Variants in EXOSC10 observed in about 807,000 individuals in gnomAD.
The protein encoded by EXOSC10 is exosome component 10.
A neutral mutation model predicts 126.6 loss-of-function variants in EXOSC10; 94 were observed. The observed-to-expected ratio is 0.74, with a 90% CI of 0.63 to 0.88. The LOEUF is 0.88. EXOSC10 is among the 40% of genes least tolerant of loss of function. The pLI is 0.00. For synonymous variants in EXOSC10, 395 were observed against 400.8 expected (o/e 0.99, Z 0.17); for missense variants, 1,041 against 1,100.5 (o/e 0.95, Z 0.77).
chr1:11,095,121 A>T (rs1641001574), intron 3 of EXOSC10, among the ~76,000 whole-genome samples: 5 of 150,626 alleles, frequency 3.3e-5, no homozygotes. Flanking sequence ...CTGAGGTAGG[A>T]GAATCGCTTG....
At chr1:11,071,100 T>TC (rs772442008) in intron 20 of EXOSC10, 127 bp from the exon 21 acceptor site, 2 of 749,306 alleles carry the variant, frequency 2.7e-6, no homozygotes, top group Non-Finnish European at 4.4e-6. Flanking sequence ...CCCTCTCAGG[T>TC]CCCCGGTCCC....
chr1:11,082,107 C>T (rs1204004996), intron 10 of EXOSC10, among the ~76,000 whole-genome samples: 2 of 151,740 alleles, frequency 1.3e-5, no homozygotes, highest in Admixed American at 1.3e-4. Flanking sequence ...AAAAGAAATT[C>T]TGGCATTCTG....
chr1:11,095,980 C>A, intron 2 of EXOSC10, 99 bp from the exon 3 acceptor site: 1 of 1,296,164 alleles, frequency 7.7e-7, no homozygotes, highest in Admixed American at 2.2e-5. Flanking sequence ...AGACTGTTCC[C>A]AACACATCTT....
Position 11,098,204 on chromosome 1 carries a change from C to G in EXOSC10, c.112-48G>C, listed in dbSNP as rs1641224128. On this transcript the variant is annotated intron_variant, in intron 1 of 24. Transcript: ENST00000376936. ...GCATGTTTACACAGGGATCCCCATT[C>G]ATTTGGTATGTCATTTTTTTGATCT... 4.5e-6 allele frequency: 7 copies of G among 1,551,908 alleles called. No homozygotes were observed. In the East Asian group the frequency reaches 1.6e-4, roughly 36 times the overall value.
intron 20 of EXOSC10, chr1:11,071,749 T>A: frequency 4.6e-6 from 1 of 217,936 alleles, no homozygotes; most frequent in Non-Finnish European, 9.1e-6. Flanking sequence ...CTGCTCAGCA[T>A]GCCCAGTGAA....
At chr1:11,071,166 T>G (rs1445709307) in intron 20 of EXOSC10, 193 bp from the exon 21 acceptor site, 1 of 583,056 alleles carries the variant, frequency 1.7e-6, no homozygotes, top group Non-Finnish European at 3.0e-6. Flanking sequence ...CTGCCCACCT[T>G]CAGCTACACG....
At chr1:11,093,417 C>T (rs1284505353) in intron 3 of EXOSC10, among the ~76,000 whole-genome samples, 2 of 152,154 alleles carry the variant, frequency 1.3e-5, no homozygotes, top group Admixed American at 6.5e-5. Flanking sequence ...CCAGGTGACA[C>T]ATAGGATTAT....
intron 3 of EXOSC10, among the ~76,000 whole-genome samples, chr1:11,093,620 G>C (rs1486570937): frequency 3.3e-5 from 5 of 152,162 alleles, no homozygotes; most frequent in Admixed American, 2.6e-4. Context: ...CATAGAATTA[G>C]GCATAAATAG....
intron 22 of EXOSC10, 74 bp downstream of exon 22, chr1:11,069,485 T>G: frequency 1.3e-6 from 2 of 1,502,590 alleles, no homozygotes; most frequent in Non-Finnish European, 1.8e-6. Flanking sequence ...GGCCCCTATA[T>G]TGTGGTCTCT....
rs967160510 is a variant in EXOSC10, at chr1:11,090,660, T to C, written c.652A>G (p.Lys218Glu). The change falls in exon 6 of 25, where the codon AAG becomes GAG. Residue 218 changes from lysine (K) to glutamate (E), a missense_variant. Transcript: ENST00000376936. Reference sequence around the variant, plus strand: ...TCCTGTGGGCGTTCCCGCCTTTCCTTAGAGAGAGCTGGGGATCCCAGCAGT... The same window carrying C: ...TCCTGTGGGCGTTCCCGCCTTTCCTCAGAGAGAGCTGGGGATCCCAGCAGT... ...AQKPLPQALS[K>E]ERRERPQDRP... 3 of 1,607,770 alleles carry C rather than the reference T, an allele frequency of 1.9e-6. No homozygotes were observed. Among genetic ancestry groups the C allele is most frequent in the Admixed American group, 1.7e-5 (1 of 58,628 alleles).
At position 11,099,841 on chromosome 1, in the gene EXOSC10, C is replaced by T. The variant is rs1256707636; in HGVS notation, c.-10G>A. Reference sequence around the variant, plus strand: ...TACTGGGTGGCGCCATTTTTTCAGCCTGCACGGCTCGTCTCGCGAGAGCTT... The same window carrying T: ...TACTGGGTGGCGCCATTTTTTCAGCTTGCACGGCTCGTCTCGCGAGAGCTT... On this transcript the variant is annotated 5_prime_UTR_variant, in exon 1 of 25. Coordinates refer to ENST00000376936, the MANE Select transcript of EXOSC10 (RefSeq NM_001001998.3). 7 of 1,592,494 alleles carry T rather than the reference C, an allele frequency of 4.4e-6. No individual in the cohort carries two copies. In the Admixed American group the frequency reaches 7.1e-5, roughly 16 times the overall value.
chr1:11,094,848 C>T (rs964927049), intron 3 of EXOSC10, among the ~76,000 whole-genome samples: 4 of 152,064 alleles, frequency 2.6e-5, no homozygotes, highest in Non-Finnish European at 5.9e-5. Context: ...TGATCACCCG[C>T]CTTGGCCTCC....
At chr1:11,071,849 A>C in intron 20 of EXOSC10, 1 of 442,466 alleles carries the variant, frequency 2.3e-6, no homozygotes, top group South Asian at 3.0e-5. Flanking sequence ...CATTCATTAG[A>C]CTGCCTTCTC....
intron 16 of EXOSC10, 98 bp downstream of exon 16, chr1:11,077,267 A>G: frequency 8.0e-7 from 1 of 1,246,802 alleles, no homozygotes; most frequent in Non-Finnish European, 1.1e-6. Context: ...CTGGCATTAC[A>G]GGCATAAGCC....
chr1:11,081,729 T>C (rs993199864), intron 10 of EXOSC10, among the ~76,000 whole-genome samples: 1 of 152,238 alleles, frequency 6.6e-6, no homozygotes, highest in Admixed American at 6.5e-5. Context: ...TTTTATCAAT[T>C]TTTATCTTTT....
intron 13 of EXOSC10, 96 bp from the exon 14 acceptor site, chr1:11,079,918 C>T (rs1640051686): frequency 2.0e-6 from 2 of 998,754 alleles, no homozygotes; most frequent in Non-Finnish European, 3.1e-6. Context: ...GCCAGGCTGC[C>T]ACCTAAGCTG....
rs1307078045 is a variant in EXOSC10 at position 11,098,106 on chromosome 1, T to C, written c.162A>G (p.Pro54=). ...AAAAATCATACTCATCGCCAAACTG[T>C]GGTAGGCCCCCAGATGCCTTGGTGA... The part of the protein sequence containing the change: ...VAVTKASGGL[P]QFGDEYDFYR... Residue 54 remains proline, a synonymous_variant, in exon 2 of 25, where the codon CCA becomes CCG. Coordinates refer to ENST00000376936, the MANE Select transcript of EXOSC10 (RefSeq NM_001001998.3). 1.2e-6 allele frequency: 2 copies of C among 1,613,168 alleles called. No individual in the cohort carries two copies. The highest frequency in any genetic ancestry group is 8.5e-7 in the Non-Finnish European group (1 of 1,179,750).
At chr1:11,099,569 G>C (rs979455565) in intron 1 of EXOSC10, 152 bp downstream of exon 1, 2 of 785,058 alleles carry the variant, frequency 2.5e-6, no homozygotes, top group Non-Finnish European at 3.9e-6. Context: ...TCCCCGGAGG[G>C]TGCAGGAGAG....
At chr1:11,068,727 G>C (rs1639260410) in intron 22 of EXOSC10, 21 bp from the exon 23 acceptor site, 12 of 1,603,964 alleles carry the variant, frequency 7.5e-6, no homozygotes, top group Non-Finnish European at 1.0e-5. Context: ...AGAGATGAGA[G>C]AGACCTGCGG....
Sources: allele counts gnomAD v4.1 joint callset (sites outside exome capture counted in the v4.1 genomes callset), GRCh38; gene constraint gnomAD v4.1.1; transcripts MANE v1.5; gene names NCBI Gene and HGNC (gene_info 2026-07-23, HGNC 2026-07-21).